TSC2: variants seen among roughly 807,000 people sequenced by gnomAD.
TSC2 encodes the protein tuberin.
A neutral mutation model predicts 202.2 loss-of-function variants in TSC2; 29 were observed. That is an observed-to-expected ratio of 0.14 (90% CI 0.11 to 0.20). The LOEUF (loss-of-function observed/expected upper bound fraction) is 0.20. TSC2 is among the 10% of genes least tolerant of loss of function. TSC2 has a pLI of 1.00. For missense variants in TSC2, 2,429 were observed against 2,420.0 expected, an observed-to-expected ratio of 1.00 and a Z score of -0.08; for synonymous variants, 1,349 against 1,044.0, an observed-to-expected ratio of 1.29 and a Z score of -5.63.
chr16:2,054,633 G>C, intron 5 of TSC2, 193 bp downstream of exon 5: 5 of 770,290 alleles, frequency 6.5e-6, no homozygotes, highest in Non-Finnish European at 6.4e-6. Flanking sequence ...AAAATGCAGA[G>C]TCCTGGCCTT....
At chr16:2,061,098 T>G in intron 11 of TSC2, 1 of 473,110 alleles carries the variant, frequency 2.1e-6, no homozygotes, top group Non-Finnish European at 3.9e-6. Context: ...CAGGCCGCCT[T>G]CGTGGCCTGA....
At position 2,048,244 on chromosome 16, in the gene TSC2, C is replaced by A. The variant is rs772102799; in HGVS notation, c.-30+179C>A. ...GGTGCGAACGGGTCTCTGCTGCAGG[C>A]GGCTCCGTGACAGCTCCTGCTTCAC... is the stretch of plus-strand genomic sequence containing the variant. On this transcript the variant is annotated intron_variant, in intron 1 of 41. Transcript: ENST00000219476. The A allele has an allele frequency of 1.0e-5, 14 of 1,385,578 alleles. No homozygotes were observed. In the African/African-American group the frequency reaches 1.7e-4, roughly 17 times the overall value. The allele number at this position is 1,385,578 out of a possible 1,614,324, so 85.8% of individuals were successfully genotyped here.
At chr16:2,084,784 C>T (rs1310335777) in intron 34 of TSC2, 69 bp downstream of exon 34, 1 of 1,598,484 alleles carries the variant, frequency 6.3e-7, no homozygotes, top group Non-Finnish European at 8.5e-7. Flanking sequence ...TCACTTGCCC[C>T]AGGCCGAGCG....
intron 30 of TSC2, chr16:2,080,701 G>T: frequency 3.0e-6 from 1 of 336,550 alleles, no homozygotes; most frequent in South Asian, 2.9e-5. Flanking sequence ...AGCCAGGATG[G>T]TCTCAATCTC....
rs137854883 is a variant in TSC2, at chr16:2,088,139, T to C, written c.5160T>C (p.Asn1720=). The part of the protein sequence containing the change: ...FVARQMALHA[N]MASQVHHSRS... ...CCCGCCAGATGGCCCTGCACGCAAA[T>C]GTGAGTGGGGGTGGGTCCAGGCGTG... Residue 1720 remains asparagine (N), a splice_region_variant and synonymous_variant, in exon 40 of 42, where the codon AAT becomes AAC. Coordinates refer to ENST00000219476, the MANE Select transcript of TSC2 (RefSeq NM_000548.5). 1.2e-6 allele frequency: 2 copies of C among 1,612,958 alleles called. No individual in the cohort carries two copies. Among genetic ancestry groups the C allele is most frequent in the Admixed American group, 1.7e-5 (1 of 60,022 alleles).
At chr16:2,068,733 T>C (rs2087756259) in intron 16 of TSC2, 1 of 151,906 alleles carries the variant, frequency 6.6e-6, no homozygotes, top group African/African-American at 2.4e-5. Flanking sequence ...ATTAGCTGGA[T>C]GCGGTGGTGC....
Position 2,079,477 on chromosome 16 carries a change from G to A in TSC2, c.3284+49G>A, listed in dbSNP as rs2151442633. 1.9e-6 allele frequency: 3 copies of A among 1,611,284 alleles called. No homozygotes were observed. The highest frequency in any genetic ancestry group is 1.1e-5 in the South Asian group (1 of 90,892). Reference sequence around the variant, plus strand: ...GCGCCTGCCAGCCTCGACACCGGCTGTCCCGAGCCCAGGCCCACGTGGCAC... The same window carrying A: ...GCGCCTGCCAGCCTCGACACCGGCTATCCCGAGCCCAGGCCCACGTGGCAC... On this transcript the variant is annotated intron_variant, in intron 28 of 41. Coordinates refer to ENST00000219476, the MANE Select transcript of TSC2 (RefSeq NM_000548.5). This position sits in a 1 kb window ranked among gnomAD's most constrained non-coding sequence, Gnocchi z 4.6.
intron 5 of TSC2, 39 bp from the exon 6 acceptor site, chr16:2,055,363 A>G (rs772413684): frequency 1.3e-6 from 2 of 1,543,486 alleles, no homozygotes; most frequent in Non-Finnish European, 1.8e-6. Context: ...GGAGATGTAG[A>G]TTCGGCGTCC....
At chr16:2,049,953 CTTTTTTT>C (rs34020463) in intron 2 of TSC2, among the ~76,000 whole-genome samples, 1 of 135,486 alleles carries the variant, frequency 7.4e-6, no homozygotes, top group African/African-American at 2.7e-5. Context: ...CTCAGTAAAT[CTTTTTTT>C]TTTTTTTTTT....
At chr16:2,055,855 C>G (rs1464857891) in intron 6 of TSC2, 1 of 453,302 alleles carries the variant, frequency 2.2e-6, no homozygotes, top group East Asian at 4.4e-5. Flanking sequence ...CGTGCCACTG[C>G]ACTCCAGCCT....
chr16:2,051,260 C>T (rs1452653964), intron 3 of TSC2, among the ~76,000 whole-genome samples: 3 of 150,606 alleles, frequency 2.0e-5, no homozygotes, highest in Non-Finnish European at 3.0e-5. Flanking sequence ...GCACAGGTTG[C>T]AGTGAGCCGA....
rs938124834 is a variant in TSC2, at chr16:2,081,666, C to T, written c.3682C>T (p.Leu1228=). Residue 1228 remains leucine, a synonymous_variant, in exon 31 of 42, where the codon CTG becomes TTG. Transcript: ENST00000219476. ...CTCCTCGGACATCAACAACATGCCC[C>T]TGCAGGAGCTGTCTAACGCCCTCAT... ...PFSSDINNMP[L]QELSNALMAA... is the part of the protein sequence containing the mutation. 15 of 1,612,866 alleles carry T rather than the reference C, an allele frequency of 9.3e-6. No individual in the cohort carries two copies. The highest frequency in any genetic ancestry group is 1.3e-5 in the Non-Finnish European group (15 of 1,180,026).
intron 10 of TSC2, among the ~76,000 whole-genome samples, chr16:2,059,908 G>A (rs1336811156): frequency 1.3e-5 from 2 of 152,164 alleles, no homozygotes; most frequent in East Asian, 1.9e-4. Context: ...TGATCCACCC[G>A]CCTTGGTCTC....
intron 30 of TSC2, 42 bp from the exon 31 acceptor site, chr16:2,081,553 G>T: frequency 6.2e-7 from 1 of 1,611,966 alleles, no homozygotes; most frequent in Non-Finnish European, 8.5e-7. Flanking sequence ...ATGGGTAAGG[G>T]GAGGTACTGG....
At chr16:2,083,585 T>C (rs1206848993) in intron 32 of TSC2, 110 bp from the exon 33 acceptor site, 1 of 1,521,160 alleles carries the variant, frequency 6.6e-7, no homozygotes, top group Admixed American at 2.0e-5. Flanking sequence ...CTGGGGAGGC[T>C]CGCAGGGCTG....
At position 2,079,103 on chromosome 16, in the gene TSC2, A is replaced by G. The variant is rs1060500961; in HGVS notation, c.3038A>G (p.Asp1013Gly). The G allele has an allele frequency of 6.8e-6, 11 of 1,613,008 alleles. No individual in the cohort carries two copies. In the South Asian group the frequency reaches 8.8e-5, roughly 13 times the overall value. Residue 1013 changes from aspartate (D) to glycine (G), a missense_variant, in exon 27 of 42, where the codon GAT becomes GGT. Physicochemically the swap from Asp to Gly is moderately conservative, Grantham distance 94. Coordinates refer to ENST00000219476, the MANE Select transcript of TSC2 (RefSeq NM_000548.5). This position sits in a 1 kb window ranked among gnomAD's most constrained non-coding sequence, Gnocchi z 4.6. ...GAGAACTCCGTGGCCCAGGCTGACG[A>G]TAGCCTGAAAAACCTCCACCTGGAG... is the stretch of plus-strand genomic sequence containing the variant. ...ADENSVAQAD[D>G]SLKNLHLELT...
At chr16:2,068,043 C>A (rs1327927634) in intron 16 of TSC2, among the ~76,000 whole-genome samples, 1 of 152,104 alleles carries the variant, frequency 6.6e-6, no homozygotes, top group Admixed American at 6.6e-5. Flanking sequence ...GCTTTCATTT[C>A]TTTATTTTTT....
intron 3 of TSC2, among the ~76,000 whole-genome samples, chr16:2,050,966 A>G (rs1044062898): frequency 1.3e-5 from 2 of 152,182 alleles, no homozygotes; most frequent in Non-Finnish European, 2.9e-5. Context: ...TACAACCTTG[A>G]GGGACCAATC....
At position 2,085,031 on chromosome 16, in the gene TSC2, G is replaced by A. The variant is rs746446349; in HGVS notation, c.4569+5G>A. On this transcript the variant is annotated splice_donor_5th_base_variant and intron_variant, in intron 35 of 41. Coordinates refer to ENST00000219476, the MANE Select transcript of TSC2 (RefSeq NM_000548.5). ...CCAATCCTGCTGCCCAATGAGGTAG[G>A]CGTGGCCTCCCTCTCCTGCATCCGC... 3.1e-6 allele frequency: 5 copies of A among 1,613,266 alleles called. No individual in the cohort carries two copies. The Admixed American group carries it at 5.0e-5, about 16-fold the overall frequency.
Sources: gnomAD v4.1 joint callset for allele counts (sites outside exome capture counted in the v4.1 genomes callset) on GRCh38, gnomAD v4.1.1 for gene constraint, Gnocchi (gnomAD v3.1) non-coding constraint, MANE v1.5 for transcripts, NCBI Gene and HGNC (gene_info 2026-07-23, HGNC 2026-07-21) for gene names.